Variants in ACTR2 observed in about 807,000 individuals in gnomAD.
ACTR2 encodes actin related protein 2.
ACTR2 carries 5 observed loss-of-function variants against 50.2 expected under a neutral mutation model. The observed-to-expected ratio is 0.10, with a 90% CI of 0.05 to 0.21. The LOEUF (loss-of-function observed/expected upper bound fraction) is 0.21, where lower values mean the gene tolerates loss of function less well. Ranked by LOEUF, ACTR2 falls within the 10% of genes least tolerant of loss-of-function variation. The pLI is 1.00. For synonymous variants in ACTR2, 140 were observed against 162.9 expected (o/e 0.86, Z 1.07); for missense variants, 180 against 480.6 (o/e 0.37, Z 5.85).
Position 65,263,187 on chromosome 2 carries a change from C to T in ACTR2, c.881+1795C>T, listed in dbSNP as rs145116245. On this transcript the variant is annotated intron_variant, in intron 7 of 8. Transcript: ENST00000260641. ...CTGGAATTGCAGACGTGAGCCACCACGCCCAGCCTTAAGGGACATTTTAAA... is the reference window on the plus strand; with the variant it reads ...CTGGAATTGCAGACGTGAGCCACCATGCCCAGCCTTAAGGGACATTTTAAA... Among the ~76,000 whole-genome samples, 62 of 150,642 alleles carry T rather than the reference C, an allele frequency of 4.1e-4. No homozygotes were observed. In the East Asian group the frequency reaches 8.7e-3, roughly 21 times the overall value.
chr2:65,270,101 T>C lies in ACTR2; in HGVS notation c.*1367T>C, dbSNP rs1190332909. 1 of 152,210 alleles carries C rather than the reference T, an allele frequency of 6.6e-6. No homozygotes were observed. The highest frequency in any genetic ancestry group is 2.4e-5 in the African/African-American group (1 of 41,462). The allele number at this position is 152,210 out of a possible 1,614,324, so 9.4% of individuals were successfully genotyped here. A position where few individuals can be genotyped will look rare whatever the true frequency, so the allele number is the denominator to read the frequency against. ...CTGAAAAAAATACCAAATAGTACCA[T>C]ACATGAGTTATTTCTAAGTTTGAAA... On this transcript the variant is annotated 3_prime_UTR_variant, in exon 9 of 9. Coordinates refer to ENST00000260641, the MANE Select transcript of ACTR2 (RefSeq NM_005722.4).
Position 65,238,293 on chromosome 2 carries a change from A to G in ACTR2, c.49-1559A>G, listed in dbSNP as rs1558621096. On this transcript the variant is annotated intron_variant, in intron 1 of 8. Transcript: ENST00000260641. ...AAAATGGAAGTCTTATCACAATGAT[A>G]TGTTCTCGGAGCAGTACACAGAGAA... Among the ~76,000 whole-genome samples the G allele has an allele frequency of 2.6e-5, 4 of 152,336 alleles. No homozygotes were observed. The South Asian group carries it at 8.3e-4, about 32-fold the overall frequency.
At chr2:65,252,570 A>C (rs1311623105) in intron 4 of ACTR2, among the ~76,000 whole-genome samples, 1 of 152,082 alleles carries the variant, frequency 6.6e-6, no homozygotes, top group Non-Finnish European at 1.5e-5. Flanking sequence ...GCTTGAACCC[A>C]GGAGGCAGAG....
intron 7 of ACTR2, among the ~76,000 whole-genome samples, chr2:65,262,468 T>C (rs1672286890): frequency 6.6e-6 from 1 of 151,488 alleles, no homozygotes; most frequent in South Asian, 2.1e-4. Flanking sequence ...CTCGAACTCC[T>C]GGCCTCAAGT....
intron 3 of ACTR2, among the ~76,000 whole-genome samples, chr2:65,247,416 G>A (rs1033680332): frequency 2.8e-4 from 42 of 151,892 alleles, no homozygotes; most frequent in African/African-American, 9.2e-4. Flanking sequence ...GTGAAACTCC[G>A]TCTCTACTAA....
intron 2 of ACTR2, 92 bp downstream of exon 2, chr2:65,240,054 A>G: frequency 1.2e-6 from 1 of 861,436 alleles, no homozygotes; most frequent in East Asian, 2.7e-5. Context: ...GTTTTAAAAT[A>G]TGTTGCCATG....
intron 4 of ACTR2, among the ~76,000 whole-genome samples, chr2:65,253,334 C>T (rs372233509): frequency 1.6e-4 from 25 of 151,876 alleles, no homozygotes; most frequent in African/African-American, 2.7e-4. Context: ...CCCAGCTGCT[C>T]AGGAGGCTAA....
chr2:65,231,242 A>T (rs986958996), intron 1 of ACTR2, among the ~76,000 whole-genome samples: 2 of 152,188 alleles, frequency 1.3e-5, no homozygotes, highest in African/African-American at 4.8e-5. Context: ...CAGATTTTCT[A>T]TGGACATGAT....
At chr2:65,236,723 G>T (rs1294865594) in intron 1 of ACTR2, among the ~76,000 whole-genome samples, 3 of 152,066 alleles carry the variant, frequency 2.0e-5, no homozygotes, top group Non-Finnish European at 4.4e-5. Context: ...TGGGATTACA[G>T]GCATGCACCA....
chr2:65,257,926 T>C (rs1385815732), intron 6 of ACTR2, among the ~76,000 whole-genome samples: 1 of 152,266 alleles, frequency 6.6e-6, no homozygotes, highest in East Asian at 1.9e-4. Context: ...TCTTTTGCTA[T>C]GCAAGAAGCT....
intron 1 of ACTR2, among the ~76,000 whole-genome samples, chr2:65,229,469 A>G (rs1671594165): frequency 1.3e-5 from 2 of 152,042 alleles, no homozygotes; most frequent in East Asian, 3.9e-4. Flanking sequence ...GTTAACGTAC[A>G]TTGAGGCCAG....
At position 65,229,086 on chromosome 2, in the gene ACTR2, TA is replaced by T. The variant is rs1258753787; in HGVS notation, c.48+1141del. ...CAAGAGTGAAACTCCGTCTCAATTA[TA>T]AAAAAAAAAAATTGTTTCATTCAGA... On this transcript the variant is annotated intron_variant, in intron 1 of 8. Coordinates refer to ENST00000260641, the MANE Select transcript of ACTR2 (RefSeq NM_005722.4). Among the ~76,000 whole-genome samples, 557 of 144,188 alleles carry T rather than the reference TA, an allele frequency of 3.9e-3. 5 individuals carry two copies. The highest frequency in any genetic ancestry group is 0.013 in the East Asian group (66 of 4,946). The allele number at this position is 144,188 out of a possible 152,430, so 94.6% of individuals were successfully genotyped here.
At chr2:65,260,719 C>T (rs1672252158) in intron 6 of ACTR2, among the ~76,000 whole-genome samples, 2 of 147,902 alleles carry the variant, frequency 1.4e-5, no homozygotes, top group South Asian at 2.2e-4. Flanking sequence ...TATTTGGGGG[C>T]GTGGCATACC....
At chr2:65,250,506 G>A (rs1672026133) in intron 3 of ACTR2, among the ~76,000 whole-genome samples, 1 of 150,106 alleles carries the variant, frequency 6.7e-6, no homozygotes, top group South Asian at 2.1e-4. Context: ...AACCCTGTCT[G>A]TACTAAAAAT....
intron 1 of ACTR2, among the ~76,000 whole-genome samples, chr2:65,231,833 T>C (rs1026997327): frequency 2.0e-5 from 3 of 152,114 alleles, no homozygotes; most frequent in African/African-American, 7.2e-5. Context: ...TGAAATACAC[T>C]AACAATAGCT....
In ACTR2 at chr2:65,241,778, T is replaced by C. The variant is rs142544959; in HGVS notation, c.159+1816T>C. 8.7e-4 allele frequency among the ~76,000 whole-genome samples: 132 copies of C among 152,326 alleles called. 1 individual carries two copies. Among genetic ancestry groups the C allele is most frequent in the South Asian group, 3.5e-3 (17 of 4,832 alleles). ...TTCCTGTGCTTAGTATTTTGACTTA[T>C]ACTTTTTGTGTCTTGTTAGCTAAAA... On this transcript the variant is annotated intron_variant, in intron 2 of 8. Coordinates refer to ENST00000260641, the MANE Select transcript of ACTR2 (RefSeq NM_005722.4).
intron 2 of ACTR2, among the ~76,000 whole-genome samples, chr2:65,243,674 C>A (rs1423560834): frequency 6.6e-6 from 1 of 152,152 alleles, no homozygotes; most frequent in Non-Finnish European, 1.5e-5. Flanking sequence ...GTGGAATTTT[C>A]TTCTAGGGAT....
chr2:65,268,427 G>T, intron 8 of ACTR2, 137 bp from the exon 9 acceptor site: 1 of 584,796 alleles, frequency 1.7e-6, no homozygotes, highest in Non-Finnish European at 2.6e-6. Context: ...TGTACCTCAG[G>T]TACCAAATAT....
Position 65,268,708 on chromosome 2 carries a change from G to A in ACTR2, c.1159G>A (p.Glu387Lys). ...CCAAGAAAAGGGTGTCCGTGTGCTAGAGAAACTTGGTGTGACTGTTCGATA... is the reference window on the plus strand; with the variant it reads ...CCAAGAAAAGGGTGTCCGTGTGCTAAAGAAACTTGGTGTGACTGTTCGATA... Reference protein sequence around the residue: ...EYQEKGVRVLEKLGVTVR With the variant: ...EYQEKGVRVLKKLGVTVR Residue 387 changes from glutamate (E) to lysine (K), a missense_variant, in exon 9 of 9, where the codon GAG becomes AAG. Coordinates refer to ENST00000260641, the MANE Select transcript of ACTR2 (RefSeq NM_005722.4). The A allele has an allele frequency of 6.2e-7, 1 of 1,613,870 alleles. No homozygotes were observed. Among genetic ancestry groups the A allele is most frequent in the Non-Finnish European group, 8.5e-7 (1 of 1,179,850 alleles).
Sources: gnomAD v4.1 joint callset for allele counts (sites outside exome capture counted in the v4.1 genomes callset) on GRCh38, gnomAD v4.1.1 for gene constraint, MANE v1.5 for transcripts, NCBI Gene and HGNC (gene_info 2026-07-23, HGNC 2026-07-21) for gene names.